Variants in IL20RB observed in about 807,000 individuals in gnomAD.
The protein encoded by IL20RB is interleukin-20 receptor subunit beta.
Under a neutral mutation model 33.3 loss-of-function variants are expected in IL20RB, and 21 were observed. The ratio of observed to expected loss-of-function variants is 0.63; its 90% CI spans 0.45 to 0.91. IL20RB has a LOEUF of 0.91. Among genes scored for constraint, IL20RB ranks in the 40% least tolerant of loss-of-function variants. IL20RB has a pLI of 0.00. For missense variants in IL20RB, 345 were observed against 384.8 expected, an observed-to-expected ratio of 0.90 and a Z score of 0.86; for synonymous variants, 147 against 146.8, an observed-to-expected ratio of 1.00 and a Z score of -0.01.
chr3:136,980,042 A>G (rs1017971103), intron 1 of IL20RB, among the ~76,000 whole-genome samples: 1 of 152,222 alleles, frequency 6.6e-6, no homozygotes, highest in Non-Finnish European at 1.5e-5. Context: ...TCTCATTTGT[A>G]CAATGGAAAA....
intron 6 of IL20RB, among the ~76,000 whole-genome samples, chr3:136,995,767 G>A (rs1468153042): frequency 6.6e-6 from 1 of 152,102 alleles, no homozygotes; most frequent in Non-Finnish European, 1.5e-5. Context: ...ACCTTCCTGA[G>A]GCAAGCCACT....
intron 4 of IL20RB, 29 bp from the exon 5 acceptor site, chr3:136,991,909 C>T: frequency 6.2e-7 from 1 of 1,609,796 alleles, no homozygotes; most frequent in South Asian, 1.1e-5. Context: ...CGCACTTGGC[C>T]AATAACTGTG....
chr3:136,959,097 C>A (rs1050913611), intron 1 of IL20RB: 1 of 152,204 alleles, frequency 6.6e-6, no homozygotes, highest in African/African-American at 2.4e-5. Context: ...AGCTTAAAAA[C>A]CTTCACAGCT....
At chr3:136,972,416 G>C (rs1256177772) in intron 1 of IL20RB, among the ~76,000 whole-genome samples, 1 of 152,156 alleles carries the variant, frequency 6.6e-6, no homozygotes, top group African/African-American at 2.4e-5. Flanking sequence ...GTAGAATTCA[G>C]CTGTGAATCC....
chr3:136,959,330 CCTT>C (rs1176224098), intron 1 of IL20RB: 1 of 152,232 alleles, frequency 6.6e-6, no homozygotes, highest in Non-Finnish European at 1.5e-5. Flanking sequence ...TTCAGTATTT[CCTT>C]CTACGTCTTT....
At chr3:136,967,117 C>G (rs200208638) in intron 1 of IL20RB, among the ~76,000 whole-genome samples, 43,579 of 108,274 alleles carry the variant, frequency 0.4, 9,097 homozygotes, top group East Asian at 0.64. Flanking sequence ...TTACTTCCAA[C>G]TATGTGGTCA....
At chr3:136,958,739 G>A (rs12054220) in intron 1 of IL20RB, among the ~76,000 whole-genome samples, 88,925 of 152,000 alleles carry the variant, frequency 0.59, 26,653 homozygotes, top group East Asian at 0.9. Context: ...AGATTACATA[G>A]TTTTCTCTGC....
At chr3:136,960,854 G>A (rs2096330343) in intron 1 of IL20RB, among the ~76,000 whole-genome samples, 1 of 152,228 alleles carries the variant, frequency 6.6e-6, no homozygotes, top group African/African-American at 2.4e-5. Context: ...AAAGAAGATG[G>A]TGCTACCTTT....
At chr3:136,994,869 C>G (rs1376546757) in intron 5 of IL20RB, among the ~76,000 whole-genome samples, 1 of 152,182 alleles carries the variant, frequency 6.6e-6, no homozygotes, top group Non-Finnish European at 1.5e-5. Context: ...CGTCCAGCCC[C>G]CAGCATAGTT....
Position 136,999,792 on chromosome 3 carries a change from T to C in IL20RB, c.825+4236T>C, listed in dbSNP as rs377501943. On this transcript the variant is annotated intron_variant, in intron 6 of 6. Coordinates refer to ENST00000329582, the MANE Select transcript of IL20RB (RefSeq NM_144717.4). ...AGGCACGTCTAGTGAATTTTGTATT[T>C]AAATTTCAGATATTGTGTTTTTAAA... Among the ~76,000 whole-genome samples, 36 of 152,308 alleles carry C rather than the reference T, an allele frequency of 2.4e-4. No homozygotes were observed. The South Asian group carries it at 7.5e-3, about 32-fold the overall frequency.
At position 136,995,510 on chromosome 3, in the gene IL20RB, T is replaced by A. The variant is rs1489903333; in HGVS notation, c.779T>A (p.Leu260Gln). The change falls in exon 6 of 7, where the codon CTG (leucine) becomes CAG (glutamine). Residue 260 changes from leucine (L) to glutamine (Q), a missense_variant. Leu to Gln is a moderately radical substitution (Grantham distance 113). Transcript: ENST00000329582. ...CTGTTCGTCTGGAAAATGGGCCGGC[T>A]GCTCCAGTACTCCTGTTGCCCCGTG... ...VPLFVWKMGR[L>Q]LQYSCCPVVV... 2 of 1,614,188 alleles carry A rather than the reference T, an allele frequency of 1.2e-6. No homozygotes were observed. The highest frequency in any genetic ancestry group is 4.5e-5 in the East Asian group (2 of 44,882).
intron 1 of IL20RB, among the ~76,000 whole-genome samples, chr3:136,978,678 C>T (rs1941688808): frequency 6.6e-6 from 1 of 152,048 alleles, no homozygotes; most frequent in South Asian, 2.1e-4. Context: ...ATTTGGATTG[C>T]TATATTTTGT....
rs1259168508 is a variant in IL20RB at position 137,010,813 on chromosome 3, G to A, written c.*590G>A. ...TCAAGCCCAATGCCGGTGCAGAGGG[G>A]AATGGCTTAGCGAGCTCTACAGTAG... is the stretch of plus-strand genomic sequence containing the variant. On this transcript the variant is annotated 3_prime_UTR_variant, in exon 7 of 7. Coordinates refer to ENST00000329582, the MANE Select transcript of IL20RB (RefSeq NM_144717.4). The A allele has an allele frequency of 3.9e-5, 6 of 152,352 alleles. No homozygotes were observed. The highest frequency in any genetic ancestry group is 3.9e-4 in the Admixed American group (6 of 15,288). 9.4% of individuals were successfully genotyped at this position (152,352 alleles called of 1,614,324 possible).
intron 6 of IL20RB, among the ~76,000 whole-genome samples, chr3:136,998,953 T>TATA (rs1942188083): frequency 1.3e-5 from 2 of 152,220 alleles, no homozygotes; most frequent in Admixed American, 6.5e-5. Flanking sequence ...GGTTTTAAAT[T>TATA]ACCATTGGCT....
intron 2 of IL20RB, among the ~76,000 whole-genome samples, 192 bp downstream of exon 2, chr3:136,980,784 T>C (rs1941752673): frequency 6.6e-6 from 1 of 152,226 alleles, no homozygotes. Flanking sequence ...GATTTGACAG[T>C]GAACTCTCTG....
At chr3:137,005,142 T>A (rs549416272) in intron 6 of IL20RB, among the ~76,000 whole-genome samples, 40 of 152,326 alleles carry the variant, frequency 2.6e-4, no homozygotes, top group African/African-American at 9.4e-4. Flanking sequence ...CAGTTTGTTG[T>A]GATTTCTTTT....
intron 3 of IL20RB, among the ~76,000 whole-genome samples, chr3:136,983,012 G>C (rs564652015): frequency 6.6e-6 from 1 of 152,180 alleles, no homozygotes; most frequent in Non-Finnish European, 1.5e-5. Flanking sequence ...TGATCATGTG[G>C]TGAAGGGCTT....
chr3:136,978,983 T>C (rs1434758248), intron 1 of IL20RB, among the ~76,000 whole-genome samples: 3 of 152,240 alleles, frequency 2.0e-5, no homozygotes, highest in Admixed American at 2.0e-4. Flanking sequence ...AATTTAATTA[T>C]GTAATTAAAT....
At chr3:136,979,126 C>T (rs1941705582) in intron 1 of IL20RB, among the ~76,000 whole-genome samples, 1 of 152,180 alleles carries the variant, frequency 6.6e-6, no homozygotes, top group Non-Finnish European at 1.5e-5. Flanking sequence ...TACCACTCTA[C>T]CCCTTTTCCT....
Sources: gnomAD v4.1 joint callset for allele counts (sites outside exome capture counted in the v4.1 genomes callset) on GRCh38, gnomAD v4.1.1 for gene constraint, MANE v1.5 for transcripts, NCBI Gene and HGNC (gene_info 2026-07-23, HGNC 2026-07-21) for gene names.